MAML2: variants seen among roughly 807,000 people sequenced by gnomAD.
The protein encoded by MAML2 is mastermind-like protein 2.
A neutral mutation model predicts 96.1 loss-of-function variants in MAML2; 22 were observed. That is an observed-to-expected ratio of 0.23 (90% CI 0.16 to 0.33). The LOEUF (loss-of-function observed/expected upper bound fraction) is 0.33. Among genes scored for constraint, MAML2 ranks in the 10% least tolerant of loss-of-function variants. MAML2 has a pLI of 1.00. For synonymous variants in MAML2, 561 were observed against 521.3 expected (o/e 1.08, Z -1.04); for missense variants, 1,367 against 1,392.4 (o/e 0.98, Z 0.29).
chr11:96,244,674 T>C (rs922757713), intron 1 of MAML2, among the ~76,000 whole-genome samples: 10 of 152,208 alleles, frequency 6.6e-5, no homozygotes, highest in African/African-American at 2.4e-4. Context: ...TATGATTACA[T>C]TGAAGAAACA....
At chr11:96,149,690 C>T (rs528517595) in intron 1 of MAML2, among the ~76,000 whole-genome samples, 5 of 152,228 alleles carry the variant, frequency 3.3e-5, no homozygotes, top group African/African-American at 7.2e-5. Flanking sequence ...GCTGAGATCA[C>T]GCCACTGCAC....
intron 1 of MAML2, among the ~76,000 whole-genome samples, chr11:96,132,579 A>G (rs145732512): frequency 9.2e-6 from 1 of 108,924 alleles, no homozygotes; most frequent in Admixed American, 8.2e-5. Context: ...GAATCTGTTC[A>G]TGTGTGTTTG....
Position 96,093,020 on chromosome 11 carries a change from A to T in MAML2, c.1011T>A (p.Asp337Glu), listed in dbSNP as rs1164264176. The T allele has an allele frequency of 6.2e-7, 1 of 1,614,048 alleles. No homozygotes were observed. The highest frequency in any genetic ancestry group is 8.5e-7 in the Non-Finnish European group (1 of 1,179,896). The change falls in exon 2 of 5, where the codon GAT (aspartate) becomes GAA (glutamate). Residue 337 changes from aspartate to glutamate, a missense_variant. Asp to Glu is a conservative substitution (Grantham distance 45). Coordinates refer to ENST00000524717, the MANE Select transcript of MAML2 (RefSeq NM_032427.4). ...GACCCAAGTCAATGTTAAATGGGTC[A>T]TCCTGCTTTATGGTGGCATTGATCA... ...ENMINATIKQ[D>E]DPFNIDLGQQ...
In MAML2 at chr11:96,229,528, T is replaced by C. The variant is rs1862260590; in HGVS notation, c.513+111855A>G. 4.0e-5 allele frequency among the ~76,000 whole-genome samples: 6 copies of C among 148,672 alleles called. No homozygotes were observed. In the Admixed American group the frequency reaches 4.1e-4, roughly 10 times the overall value. ...TCATGTTGTAAAGCATTTCTCACAA[T>C]GTGGCTAGTCTTTCTAACCAGACTG... On this transcript the variant is annotated intron_variant, in intron 1 of 4. Coordinates refer to ENST00000524717, the MANE Select transcript of MAML2 (RefSeq NM_032427.4).
At chr11:96,301,523 C>T (rs956035634) in intron 1 of MAML2, among the ~76,000 whole-genome samples, 3 of 152,190 alleles carry the variant, frequency 2.0e-5, no homozygotes, top group African/African-American at 7.2e-5. Context: ...GGTCATGCCA[C>T]ATGGATATGT....
intron 2 of MAML2, among the ~76,000 whole-genome samples, chr11:96,090,117 T>C (rs1219818764): frequency 1.3e-5 from 2 of 151,824 alleles, no homozygotes; most frequent in African/African-American, 2.4e-5. Flanking sequence ...TCTCATTATT[T>C]ATAATTTCCA....
chr11:96,297,719 A>G (rs1022203787), intron 1 of MAML2, among the ~76,000 whole-genome samples: 1 of 152,212 alleles, frequency 6.6e-6, no homozygotes, highest in Non-Finnish European at 1.5e-5. Context: ...CCCATCAACT[A>G]GATTCAAAAA....
At chr11:96,282,688 G>A (rs1355159649) in intron 1 of MAML2, among the ~76,000 whole-genome samples, 3 of 152,070 alleles carry the variant, frequency 2.0e-5, no homozygotes, top group African/African-American at 7.2e-5. Context: ...ATATAGCCAA[G>A]GTCAGATATG....
intron 1 of MAML2, among the ~76,000 whole-genome samples, chr11:96,201,914 A>C (rs1861828424): frequency 6.8e-6 from 1 of 146,814 alleles, no homozygotes; most frequent in South Asian, 2.2e-4. Context: ...GAGAGACTCC[A>C]TCTCAAAAAA....
chr11:96,190,703 A>T (rs1861640685), intron 1 of MAML2, among the ~76,000 whole-genome samples: 1 of 152,226 alleles, frequency 6.6e-6, no homozygotes, highest in African/African-American at 2.4e-5. Flanking sequence ...TTTAACGGGG[A>T]TAAATGTAAA....
At chr11:95,986,075 G>A (rs1460856454) in intron 3 of MAML2, among the ~76,000 whole-genome samples, 1 of 152,200 alleles carries the variant, frequency 6.6e-6, no homozygotes, top group Non-Finnish European at 1.5e-5. Flanking sequence ...AATGAGAATA[G>A]CACATCTGAT....
intron 2 of MAML2, among the ~76,000 whole-genome samples, chr11:96,027,667 C>T (rs536007772): frequency 6.6e-6 from 1 of 152,194 alleles, no homozygotes; most frequent in Admixed American, 6.5e-5. Flanking sequence ...GGGCTGGGAG[C>T]GAGAGGCAGA....
chr11:96,273,871 T>C (rs544741239), intron 1 of MAML2, among the ~76,000 whole-genome samples: 11 of 152,304 alleles, frequency 7.2e-5, no homozygotes, highest in South Asian at 4.1e-4. Context: ...ATATATCAAA[T>C]GGAGATTTAA....
At chr11:96,121,775 G>T (rs1211664098) in intron 1 of MAML2, among the ~76,000 whole-genome samples, 4 of 61,850 alleles carry the variant, frequency 6.5e-5, no homozygotes, top group African/African-American at 2.7e-4. Context: ...ATTCCCAACT[G>T]CGTGATTTTT....
chr11:96,334,377 T>C lies in MAML2; in HGVS notation c.513+7006A>G, dbSNP rs370482649. 4.5e-4 allele frequency among the ~76,000 whole-genome samples: 68 copies of C among 152,334 alleles called. No homozygotes were observed. The South Asian group carries it at 0.014, about 31-fold the overall frequency. ...AATTTAATCAACAGCTCTAAGATGT[T>C]AGTTCTATTACTATCACTCCATTTC... On this transcript the variant is annotated intron_variant, in intron 1 of 4. Coordinates refer to ENST00000524717, the MANE Select transcript of MAML2 (RefSeq NM_032427.4).
At chr11:96,333,896 T>C (rs547278387) in intron 1 of MAML2, among the ~76,000 whole-genome samples, 43 of 152,326 alleles carry the variant, frequency 2.8e-4, no homozygotes, top group Admixed American at 1.8e-3. Context: ...CAATAGATGG[T>C]TTAAATTTCT....
At chr11:96,077,656 T>A (rs1859464280) in intron 2 of MAML2, among the ~76,000 whole-genome samples, 1 of 152,172 alleles carries the variant, frequency 6.6e-6, no homozygotes, top group African/African-American at 2.4e-5. Flanking sequence ...AAGCAAACCA[T>A]TTTGTGGACT....
At chr11:95,998,351 C>T (rs1242990752) in intron 2 of MAML2, among the ~76,000 whole-genome samples, 1 of 152,166 alleles carries the variant, frequency 6.6e-6, no homozygotes, top group Non-Finnish European at 1.5e-5. Flanking sequence ...CTCTTCAGAA[C>T]TCCAAGCTGC....
At chr11:96,277,004 T>C (rs1038868286) in intron 1 of MAML2, among the ~76,000 whole-genome samples, 3 of 152,104 alleles carry the variant, frequency 2.0e-5, no homozygotes, top group Non-Finnish European at 4.4e-5. Flanking sequence ...GCGGCAGGCC[T>C]CTGTACACAG....
Sources: allele counts gnomAD v4.1 joint callset (sites outside exome capture counted in the v4.1 genomes callset), GRCh38; gene constraint gnomAD v4.1.1; transcripts MANE v1.5; gene names NCBI Gene and HGNC (gene_info 2026-07-23, HGNC 2026-07-21).